SAMMSON: variants seen among roughly 807,000 people sequenced by gnomAD.
The protein encoded by SAMMSON is survival associated mitochondrial melanoma specific oncogenic non-coding RNA, also known as long intergenic non-protein coding RNA 1212.
intron 4 of SAMMSON, among the ~76,000 whole-genome samples, chr3:70,175,621 C>T (rs911829137): frequency 6.6e-6 from 1 of 152,062 alleles, no homozygotes; most frequent in African/African-American, 2.4e-5. Flanking sequence ...TCTGAGACTT[C>T]ATAGATATCA....
intron 6 of SAMMSON, among the ~76,000 whole-genome samples, chr3:70,264,354 T>G (rs1559548478): frequency 1.3e-5 from 2 of 152,170 alleles, no homozygotes; most frequent in Non-Finnish European, 2.9e-5. Flanking sequence ...CTGCTCTTGT[T>G]TAGTCTTCTA....
intron 4 of SAMMSON, among the ~76,000 whole-genome samples, chr3:70,097,627 G>A (rs548402449): frequency 2.0e-5 from 3 of 152,196 alleles, no homozygotes; most frequent in Non-Finnish European, 4.4e-5. Flanking sequence ...GAATTATTAC[G>A]GCAAATTGAA....
chr3:70,274,071 G>A (rs533838518), intron 6 of SAMMSON, among the ~76,000 whole-genome samples: 1 of 148,758 alleles, frequency 6.7e-6, no homozygotes, highest in South Asian at 2.3e-4. Flanking sequence ...GTGTGTGTGT[G>A]TGTGTGTGTG....
At chr3:70,169,446 T>G (rs2067652504) in intron 4 of SAMMSON, among the ~76,000 whole-genome samples, 1 of 151,956 alleles carries the variant, frequency 6.6e-6, no homozygotes, top group Non-Finnish European at 1.5e-5. Context: ...TAGGGTGATA[T>G]TTCCTTAACA....
At chr3:70,120,606 T>G (rs527284877) in intron 4 of SAMMSON, 3 of 152,238 alleles carry the variant, frequency 2.0e-5, no homozygotes, top group African/African-American at 7.2e-5. Flanking sequence ...AAGTCAGCCA[T>G]GCCTCCATGC....
At chr3:70,189,215 GA>G (rs1701113180) in intron 4 of SAMMSON, among the ~76,000 whole-genome samples, 1 of 152,084 alleles carries the variant, frequency 6.6e-6, no homozygotes, top group African/African-American at 2.4e-5. Context: ...GAATTGACAG[GA>G]ATTTTTTTTT....
intron 2 of SAMMSON, among the ~76,000 whole-genome samples, chr3:70,424,194 G>T (rs1701335947): frequency 6.6e-6 from 1 of 151,914 alleles, no homozygotes; most frequent in Admixed American, 6.6e-5. Flanking sequence ...ATATTCCACT[G>T]GTTATCTCAT....
intron 4 of SAMMSON, among the ~76,000 whole-genome samples, chr3:70,078,723 C>T (rs1205121146): frequency 6.6e-6 from 1 of 152,112 alleles, no homozygotes; most frequent in African/African-American, 2.4e-5. Flanking sequence ...CGTAACAGGG[C>T]CAGGCCCAGA....
rs556379890 is a variant in SAMMSON at position 70,199,151 on chromosome 3, C to T, written n.508-49956C>T. On this transcript the variant is annotated intron_variant and non_coding_transcript_variant, in intron 4 of 9. Coordinates refer to ENST00000642114, the Ensembl canonical transcript of SAMMSON. ...CACTGGATCCTGTCCTTTATACATG[C>T]AAGGTTAAAAGTTTGCTTTGGAGTT... Among the ~76,000 whole-genome samples the T allele has an allele frequency of 7.2e-5, 11 of 152,218 alleles. No individual in the cohort carries two copies. The South Asian group carries it at 1.5e-3, about 20-fold the overall frequency.
chr3:70,286,049 G>T (rs1388682670), intron 6 of SAMMSON, among the ~76,000 whole-genome samples: 1 of 152,022 alleles, frequency 6.6e-6, no homozygotes, highest in African/African-American at 2.4e-5. Flanking sequence ...CTGTGCAGAA[G>T]CTCTTTAGTT....
chr3:70,367,019 G>A (rs186287080), intron 9 of SAMMSON, among the ~76,000 whole-genome samples: 1 of 151,536 alleles, frequency 6.6e-6, no homozygotes, highest in Admixed American at 6.6e-5. Context: ...TATCCTTTGA[G>A]TTCCAAAAAA....
At chr3:70,108,423 C>CTTGTTTTTTTTTTTTTTTTTTTTTT (rs2067375599) in intron 4 of SAMMSON, among the ~76,000 whole-genome samples, 1 of 89,376 alleles carries the variant, frequency 1.1e-5, no homozygotes, top group African/African-American at 4.1e-5. Flanking sequence ...CTTGCGGTTC[C>CTTGTTTTTTTTTTTTTTTTTTTTTT]TTTTTTTTTT....
At chr3:70,019,331 A>C (rs2067000662) in intron 3 of SAMMSON, among the ~76,000 whole-genome samples, 1 of 152,138 alleles carries the variant, frequency 6.6e-6, no homozygotes, top group Non-Finnish European at 1.5e-5. Context: ...CTTTACCATT[A>C]TGTAATGGCC....
chr3:70,159,907 G>T (rs778768361), intron 4 of SAMMSON, among the ~76,000 whole-genome samples: 5 of 151,818 alleles, frequency 3.3e-5, no homozygotes, highest in Non-Finnish European at 7.4e-5. Context: ...GTCTCCTTGT[G>T]GTTTCTATTT....
At chr3:70,212,454 A>G (rs1277353556) in intron 4 of SAMMSON, among the ~76,000 whole-genome samples, 1 of 152,020 alleles carries the variant, frequency 6.6e-6, no homozygotes, top group East Asian at 1.9e-4. Context: ...GCTTAAAACT[A>G]TTATTTGACT....
chr3:70,248,119 G>A (rs1701725725), intron 4 of SAMMSON, among the ~76,000 whole-genome samples: 1 of 152,012 alleles, frequency 6.6e-6, no homozygotes, highest in Non-Finnish European at 1.5e-5. Context: ...GACAATGAGA[G>A]TAATGAACCA....
intron 4 of SAMMSON, among the ~76,000 whole-genome samples, chr3:70,103,621 G>A (rs761684874): frequency 6.6e-6 from 1 of 152,090 alleles, no homozygotes; most frequent in Admixed American, 6.6e-5. Flanking sequence ...ATTCTCCTGG[G>A]AGCAGGAAAC....
chr3:70,374,049 C>T (rs571311914), intron 9 of SAMMSON, among the ~76,000 whole-genome samples: 2 of 152,030 alleles, frequency 1.3e-5, no homozygotes, highest in South Asian at 2.1e-4. Context: ...GGAGTAGCTG[C>T]GATTAGAAGC....
At chr3:70,075,322 T>C (rs575957193) in intron 4 of SAMMSON, 1 of 152,254 alleles carries the variant, frequency 6.6e-6, no homozygotes, top group South Asian at 2.1e-4. Context: ...AGTCTTCATA[T>C]CAATATTTAT....
Sources: gnomAD v4.1 joint callset for allele counts (sites outside exome capture counted in the v4.1 genomes callset) on GRCh38, gnomAD v4.1.1 for gene constraint, MANE v1.5 for transcripts, NCBI Gene and HGNC (gene_info 2026-07-23, HGNC 2026-07-21) for gene names.